Variants in NCOA6 observed in about 807,000 individuals in gnomAD.
NCOA6 encodes NRC RAP250.
Under a neutral mutation model 171.4 loss-of-function variants are expected in NCOA6, and 49 were observed. The ratio of observed to expected loss-of-function variants is 0.29; its 90% CI spans 0.23 to 0.36. The LOEUF is 0.36. Among genes scored for constraint, NCOA6 ranks in the 10% least tolerant of loss-of-function variants. The pLI is 1.00. For synonymous variants in NCOA6, 910 were observed against 927.5 expected (o/e 0.98, Z 0.34); for missense variants, 2,248 against 2,554.5 (o/e 0.88, Z 2.59).
chr20:34,777,155 C>G (rs1415066247), intron 3 of NCOA6, among the ~76,000 whole-genome samples: 2 of 150,758 alleles, frequency 1.3e-5, no homozygotes, highest in African/African-American at 4.9e-5. Context: ...GGACAGTTCT[C>G]CAGAAAAGAT....
rs1320573384 is a variant in NCOA6, at chr20:34,763,456, CT to C, written c.515-4524del. Among the ~76,000 whole-genome samples the C allele has an allele frequency of 3.9e-5, 6 of 152,232 alleles. No homozygotes were observed. The East Asian group carries it at 1.2e-3, about 29-fold the overall frequency. On this transcript the variant is annotated intron_variant, in intron 5 of 14. Coordinates refer to ENST00000359003, the MANE Select transcript of NCOA6 (RefSeq NM_014071.5). ...CTTATGTTTGATAGTGTCTTGTTTTCTTATGATTCTCATAATTGTTAATACT... is the reference window on the plus strand; with the variant it reads ...CTTATGTTTGATAGTGTCTTGTTTTCTATGATTCTCATAATTGTTAATACT...
At chr20:34,738,166 A>G (rs1348932062) in intron 11 of NCOA6, among the ~76,000 whole-genome samples, 1 of 152,086 alleles carries the variant, frequency 6.6e-6, no homozygotes, top group African/African-American at 2.4e-5. Flanking sequence ...GCCTCTCAAC[A>G]TGCTGAGATT....
intron 1 of NCOA6, among the ~76,000 whole-genome samples, chr20:34,795,918 T>C (rs1332110140): frequency 6.6e-6 from 1 of 152,116 alleles, no homozygotes; most frequent in Non-Finnish European, 1.5e-5. Flanking sequence ...CAAAGGTAGA[T>C]ATTACAAATA....
rs1600818663 is a variant in NCOA6, at chr20:34,743,257, G to T, written c.2999C>A (p.Pro1000Gln). 1.2e-6 allele frequency: 2 copies of T among 1,613,856 alleles called. No homozygotes were observed. The highest frequency in any genetic ancestry group is 1.3e-5 in the African/African-American group (1 of 74,924). ...LMQHVAPPPQ[P>Q]PQQQPQPQLP... ...TTGTGGCTGTGGCTGCTGCTGTGGT[G>T]GCTGTGGTGGGGGTGCCACATGCTG... The change falls in exon 11 of 15, where the codon CCA (proline) becomes CAA (glutamine). Residue 1000 changes from proline to glutamine, a missense_variant. By Grantham distance (76) the Pro-to-Gln change is moderately conservative. Transcript: ENST00000359003.
intron 10 of NCOA6, 56 bp downstream of exon 10, chr20:34,746,751 C>A: frequency 2.0e-6 from 3 of 1,493,886 alleles, no homozygotes; most frequent in South Asian, 1.4e-5. Flanking sequence ...ACATGGAAGC[C>A]TTGTAATGCC....
chr20:34,736,665 G>C (rs776027512), intron 12 of NCOA6, 25 bp downstream of exon 12: 1 of 1,587,920 alleles, frequency 6.3e-7, no homozygotes, highest in Non-Finnish European at 8.6e-7. Context: ...CCCACTCCAA[G>C]AAGTTTTTCC....
intron 2 of NCOA6, among the ~76,000 whole-genome samples, chr20:34,790,128 A>T (rs148470300): frequency 6.6e-6 from 1 of 152,012 alleles, no homozygotes; most frequent in Non-Finnish European, 1.5e-5. Flanking sequence ...TATTCACAGC[A>T]ACATTATTCA....
Position 34,750,240 on chromosome 20 carries a change from C to T in NCOA6, c.1955G>A (p.Arg652Lys). ...LNPQNPMILS[R>K]AQLMPQGQMM... Reference sequence around the variant, plus strand: ...CTGGCCCTGTGGCATAAGCTGGGCCCTTGAAAGGATCATAGGGTTCTGAGG... The same window carrying T: ...CTGGCCCTGTGGCATAAGCTGGGCCTTTGAAAGGATCATAGGGTTCTGAGG... The change falls in exon 9 of 15, where the codon AGG (arginine) becomes AAG (lysine). Residue 652 changes from arginine (R) to lysine (K), a missense_variant. Physicochemically the swap from Arg to Lys is conservative, Grantham distance 26. Coordinates refer to ENST00000359003, the MANE Select transcript of NCOA6 (RefSeq NM_014071.5). 6.2e-7 allele frequency: 1 copy of T among 1,610,770 alleles called. No individual in the cohort carries two copies.
chr20:34,772,249 G>T (rs1249439540), intron 4 of NCOA6, among the ~76,000 whole-genome samples: 1 of 151,806 alleles, frequency 6.6e-6, no homozygotes, highest in East Asian at 1.9e-4. Context: ...AGGAGGCCGG[G>T]GCTACAGTGA....
intron 3 of NCOA6, among the ~76,000 whole-genome samples, chr20:34,778,721 C>G (rs1490156509): frequency 6.6e-6 from 1 of 152,054 alleles, no homozygotes; most frequent in African/African-American, 2.4e-5. Flanking sequence ...CCACCACACC[C>G]AGCCAGAGAT....
intron 1 of NCOA6, among the ~76,000 whole-genome samples, chr20:34,798,257 G>C (rs968720156): frequency 2.6e-5 from 4 of 152,148 alleles, no homozygotes; most frequent in African/African-American, 7.2e-5. Context: ...CGAAAAAACG[G>C]GAAGGACTTT....
chr20:34,811,636 C>A (rs1346563424), intron 1 of NCOA6, among the ~76,000 whole-genome samples: 1 of 152,150 alleles, frequency 6.6e-6, no homozygotes, highest in Non-Finnish European at 1.5e-5. Flanking sequence ...CTACCCTTTA[C>A]CAACTGCCTA....
intron 10 of NCOA6, 89 bp downstream of exon 10, chr20:34,746,718 A>G (rs2076313814): frequency 7.2e-7 from 1 of 1,383,332 alleles, no homozygotes. Context: ...CAGATAAAAT[A>G]AAATACTATT....
At chr20:34,779,145 T>C (rs1427285005) in intron 3 of NCOA6, among the ~76,000 whole-genome samples, 1 of 152,034 alleles carries the variant, frequency 6.6e-6, no homozygotes, top group Non-Finnish European at 1.5e-5. Context: ...AGTTAAGTAA[T>C]TGAGGAGGTA....
chr20:34,764,255 T>G (rs553321789), intron 5 of NCOA6, among the ~76,000 whole-genome samples: 35 of 152,042 alleles, frequency 2.3e-4, no homozygotes, highest in Non-Finnish European at 4.6e-4. Flanking sequence ...ACCCGGCTAA[T>G]TTTTTGTATT....
chr20:34,724,529 A>T (rs1009140254), intron 14 of NCOA6, among the ~76,000 whole-genome samples: 4 of 152,146 alleles, frequency 2.6e-5, no homozygotes. Context: ...CTCAGCCAGG[A>T]TCCCAGCTCT....
rs1241850033 is a variant in NCOA6, at chr20:34,741,334, G to A, written c.4922C>T (p.Ser1641Phe). 1 of 1,614,116 alleles carries A rather than the reference G, an allele frequency of 6.2e-7. No individual in the cohort carries two copies. The highest frequency in any genetic ancestry group is 8.5e-7 in the Non-Finnish European group (1 of 1,180,052). Residue 1641 changes from serine to phenylalanine, a missense_variant, in exon 11 of 15, where the codon TCT becomes TTT. Coordinates refer to ENST00000359003, the MANE Select transcript of NCOA6 (RefSeq NM_014071.5). ...AGACTGAGCAGCTGACTGTCCCTCAGAAACCATAACCTTGCTACCCGCATT... is the reference window on the plus strand; with the variant it reads ...AGACTGAGCAGCTGACTGTCCCTCAAAAACCATAACCTTGCTACCCGCATT... ...MPNAGSKVMV[S>F]EGQSAAQSNA... is the part of the protein sequence containing the mutation.
chr20:34,747,547 G>A (rs1402630468), intron 9 of NCOA6, among the ~76,000 whole-genome samples: 1 of 152,152 alleles, frequency 6.6e-6, no homozygotes, highest in African/African-American at 2.4e-5. Context: ...TGAAGAAATT[G>A]TAGCTACTAA....
chr20:34,767,450 C>T (rs1333088697), intron 5 of NCOA6, among the ~76,000 whole-genome samples: 3 of 152,064 alleles, frequency 2.0e-5, no homozygotes, highest in African/African-American at 7.2e-5. Context: ...CGCCTGCCAC[C>T]ACACCTAGCT....
Sources: gnomAD v4.1 joint callset for allele counts (sites outside exome capture counted in the v4.1 genomes callset) on GRCh38, gnomAD v4.1.1 for gene constraint, MANE v1.5 for transcripts, NCBI Gene and HGNC (gene_info 2026-07-23, HGNC 2026-07-21) for gene names.